Variants in COG6 observed in about 807,000 individuals in gnomAD.
COG6 encodes component of oligomeric golgi complex 6.
In COG6, 74 loss-of-function variants were observed where a neutral mutation model predicts 88.8. That is an observed-to-expected ratio of 0.83 (90% CI 0.69 to 1.01). The LOEUF (loss-of-function observed/expected upper bound fraction) is 1.01. Among genes scored for constraint, COG6 ranks in the 50% least tolerant of loss-of-function variants. COG6 has a pLI of 0.00. For synonymous variants in COG6, 286 were observed against 278.7 expected (o/e 1.03, Z -0.26); for missense variants, 800 against 797.9 (o/e 1.00, Z -0.03).
At position 39,723,438 on chromosome 13, in the gene COG6, C is replaced by T. The variant is rs754960665; in HGVS notation, c.1690C>T (p.Gln564Ter). ...CACTGTACAGCAACATAAACCTGAA[C>T]AGGTAAGTGCATAGATGTTCCTTCC... is the stretch of plus-strand genomic sequence containing the variant. Reference protein sequence around the residue: ...YNTVQQHKPEQGSLANMPNLD... With the variant: ...YNTVQQHKPE Residue 564 changes from glutamine (Q) to a stop codon, truncating the protein, a stop_gained and splice_region_variant, in exon 16 of 19, where the codon CAG becomes TAG. Coordinates refer to ENST00000455146, the MANE Select transcript of COG6 (RefSeq NM_020751.3). LOFTEE classifies it high-confidence loss of function. 13 of 1,526,262 alleles carry T rather than the reference C, an allele frequency of 8.5e-6. No individual in the cohort carries two copies. In the South Asian group the frequency reaches 1.5e-4, roughly 17 times the overall value. 94.5% of individuals were successfully genotyped at this position (1,526,262 alleles called of 1,614,324 possible).
intron 13 of COG6, among the ~76,000 whole-genome samples, chr13:39,706,245 ATATACTCCTT>A (rs1349187603): frequency 3.4e-5 from 3 of 87,120 alleles, no homozygotes; most frequent in East Asian, 4.4e-4. Context: ...TTATATATAT[ATATACTCCTT>A]TATATATATA....
At chr13:39,737,221 C>T (rs1879808137) in intron 18 of COG6, among the ~76,000 whole-genome samples, 1 of 152,094 alleles carries the variant, frequency 6.6e-6, no homozygotes, top group Non-Finnish European at 1.5e-5. Context: ...AGTGGTGATA[C>T]ATGCCTCTTC....
intron 13 of COG6, among the ~76,000 whole-genome samples, chr13:39,714,343 C>G (rs1246074902): frequency 6.6e-6 from 1 of 151,260 alleles, no homozygotes; most frequent in East Asian, 1.9e-4. Flanking sequence ...AGGAAACACA[C>G]AACCCACAGA....
Position 39,687,576 on chromosome 13 carries a change from G to A in COG6, c.862G>A (p.Gly288Arg). 3 of 1,613,664 alleles carry A rather than the reference G, an allele frequency of 1.9e-6. No individual in the cohort carries two copies. The highest frequency in any genetic ancestry group is 2.5e-6 in the Non-Finnish European group (3 of 1,179,916). ...TGGATTTATTGATGCGCTCACAAGA[G>A]GGGGCCCCGGAGGTACACCTAGACC... ...VRGFIDALTR[G>R]GPGGTPRPIE... The change falls in exon 9 of 19, where the codon GGG becomes AGG. Residue 288 changes from glycine (G) to arginine (R), a missense_variant. Coordinates refer to ENST00000455146, the MANE Select transcript of COG6 (RefSeq NM_020751.3).
At chr13:39,761,406 G>A (rs1026976664) in intron 18 of COG6, among the ~76,000 whole-genome samples, 4 of 151,954 alleles carry the variant, frequency 2.6e-5, no homozygotes, top group South Asian at 2.1e-4. Flanking sequence ...AGACTTAAAT[G>A]TAAGACCTGA....
intron 13 of COG6, among the ~76,000 whole-genome samples, chr13:39,710,446 T>C (rs1426080323): frequency 6.6e-6 from 1 of 152,022 alleles, no homozygotes; most frequent in East Asian, 1.9e-4. Flanking sequence ...GACTGCTGTA[T>C]GGAGAATGGA....
intron 18 of COG6, among the ~76,000 whole-genome samples, chr13:39,732,390 C>T (rs1180835149): frequency 3.3e-5 from 5 of 152,002 alleles, no homozygotes; most frequent in African/African-American, 1.2e-4. Flanking sequence ...TGATAAAATG[C>T]TATTGCAGTG....
At position 39,699,623 on chromosome 13, in the gene COG6, G is replaced by T; in HGVS notation, c.1284+5G>T. On this transcript the variant is annotated splice_donor_5th_base_variant and intron_variant, in intron 13 of 18. Transcript: ENST00000455146. ...GCAAGTAAATTAATGGACAAGGTAT[G>T]TTTGAAAAATGTAATTATTAAATTA... The T allele has an allele frequency of 8.3e-7, 1 of 1,200,824 alleles. No homozygotes were observed. Among genetic ancestry groups the T allele is most frequent in the East Asian group, 2.3e-5 (1 of 42,736 alleles). 74.4% of individuals were successfully genotyped at this position (1,200,824 alleles called of 1,614,324 possible).
chr13:39,656,197 G>A (rs1237215735), intron 1 of COG6: 4 of 533,136 alleles, frequency 7.5e-6, no homozygotes, highest in Non-Finnish European at 1.4e-5. Context: ...GGAGGCGTTT[G>A]GCTGTGTGAG....
chr13:39,758,126 A>G (rs902829044), intron 18 of COG6, among the ~76,000 whole-genome samples: 5 of 150,068 alleles, frequency 3.3e-5, no homozygotes, highest in Non-Finnish European at 4.4e-5. Context: ...AGGCTGAGGC[A>G]GGAGAATCAC....
chr13:39,742,954 T>C (rs1566036117), intron 18 of COG6, among the ~76,000 whole-genome samples: 1 of 152,126 alleles, frequency 6.6e-6, no homozygotes, highest in Non-Finnish European at 1.5e-5. Flanking sequence ...AGAAACTCAC[T>C]CAAAACTGCA....
At chr13:39,665,468 CT>C (rs1055572709) in intron 4 of COG6, among the ~76,000 whole-genome samples, 6 of 151,978 alleles carry the variant, frequency 3.9e-5, no homozygotes, top group South Asian at 2.1e-4. Flanking sequence ...AGTTTTATTA[CT>C]TTTTTTTCAC....
chr13:39,718,886 C>T (rs1878685126), intron 13 of COG6, among the ~76,000 whole-genome samples: 1 of 151,986 alleles, frequency 6.6e-6, no homozygotes, highest in Non-Finnish European at 1.5e-5. Context: ...TAGTGCTGGT[C>T]TATAGACTGC....
At chr13:39,730,124 T>C (rs1008047789) in intron 18 of COG6, among the ~76,000 whole-genome samples, 5 of 152,008 alleles carry the variant, frequency 3.3e-5, no homozygotes, top group Admixed American at 6.6e-5. Context: ...GTTTTGGTAC[T>C]TTTTTTTAAA....
At chr13:39,666,412 T>A (rs1345741934) in intron 4 of COG6, among the ~76,000 whole-genome samples, 1 of 152,010 alleles carries the variant, frequency 6.6e-6, no homozygotes, top group Non-Finnish European at 1.5e-5. Flanking sequence ...AAAAAATAAA[T>A]AAGTAAAAAT....
intron 8 of COG6, among the ~76,000 whole-genome samples, chr13:39,687,207 A>G (rs1380426785): frequency 1.3e-5 from 2 of 151,986 alleles, no homozygotes; most frequent in South Asian, 2.1e-4. Context: ...TGATTTTCCT[A>G]CTTTTACTAA....
chr13:39,692,524 A>G (rs1431192300), intron 11 of COG6, among the ~76,000 whole-genome samples: 1 of 152,054 alleles, frequency 6.6e-6, no homozygotes, highest in African/African-American at 2.4e-5. Flanking sequence ...TGAGGTATAC[A>G]TAGGAACAGA....
rs71298976 is a variant in COG6, at chr13:39,706,255, T to TTATATATATATATA, written c.1284+6647_1284+6660dup. On this transcript the variant is annotated intron_variant, in intron 13 of 18. Transcript: ENST00000455146. ...CTCCTTTATATATATATATACTCCT[T>TTATATATATATATA]TATATATATATATATATATATATTT... Among the ~76,000 whole-genome samples, 386 of 114,618 alleles carry TTATATATATATATA rather than the reference T, an allele frequency of 3.4e-3. 7 individuals carry two copies. The highest frequency in any genetic ancestry group is 9.6e-3 in the Middle Eastern group (2 of 208). The allele number at this position is 114,618 out of a possible 152,430, so 75.2% of individuals were successfully genotyped here.
intron 15 of COG6, among the ~76,000 whole-genome samples, chr13:39,721,797 T>C (rs1298202575): frequency 1.3e-5 from 2 of 152,110 alleles, no homozygotes; most frequent in African/African-American, 4.8e-5. Context: ...TTCCAGTGTT[T>C]CAAGCAAGAA....
Sources: gnomAD v4.1 joint callset for allele counts (sites outside exome capture counted in the v4.1 genomes callset) on GRCh38, gnomAD v4.1.1 for gene constraint, MANE v1.5 for transcripts, NCBI Gene and HGNC (gene_info 2026-07-23, HGNC 2026-07-21) for gene names.